The following SLC38A4 variants were observed in gnomAD, a reference collection of about 807,000 sequenced individuals.
SLC38A4 encodes sodium-coupled neutral amino acid transporter 4.
A neutral mutation model predicts 63.1 loss-of-function variants in SLC38A4; 20 were observed. The ratio of observed to expected loss-of-function variants is 0.32; its 90% CI spans 0.22 to 0.46. The LOEUF (loss-of-function observed/expected upper bound fraction) is 0.46, where lower values mean the gene tolerates loss of function less well. Among genes scored for constraint, SLC38A4 ranks in the 20% least tolerant of loss-of-function variants. The pLI is 1.00. For synonymous variants in SLC38A4, 230 were observed against 225.5 expected (o/e 1.02, Z -0.18); for missense variants, 526 against 663.6 (o/e 0.79, Z 2.28).
intron 13 of SLC38A4, 138 bp downstream of exon 13, chr12:46,776,766 A>G (rs1268578146): frequency 6.0e-6 from 4 of 669,416 alleles, no homozygotes; most frequent in African/African-American, 1.9e-5. Flanking sequence ...TGACAAAACT[A>G]AAATAGTATA....
chr12:46,776,348 G>T (rs1938524681), intron 13 of SLC38A4, among the ~76,000 whole-genome samples: 1 of 151,924 alleles, frequency 6.6e-6, no homozygotes. Context: ...TTTTTTGGTG[G>T]TGCATTCTTA....
At chr12:46,776,220 G>T (rs940129890) in intron 13 of SLC38A4, among the ~76,000 whole-genome samples, 6 of 151,972 alleles carry the variant, frequency 3.9e-5, no homozygotes, top group African/African-American at 1.4e-4. Context: ...GTGATTCCAT[G>T]AAATCTGTTT....
chr12:46,766,582 G>A lies in SLC38A4; in HGVS notation c.*119C>T, dbSNP rs1938305102. 6 of 785,582 alleles carry A rather than the reference G, an allele frequency of 7.6e-6. No individual in the cohort carries two copies. Among genetic ancestry groups the A allele is most frequent in the Middle Eastern group, 2.2e-4 (1 of 4,478 alleles). 48.7% of individuals were successfully genotyped at this position (785,582 alleles called of 1,614,324 possible). On this transcript the variant is annotated 3_prime_UTR_variant, in exon 17 of 17. Coordinates refer to ENST00000266579, the MANE Select transcript of SLC38A4 (RefSeq NM_018018.5). ...GTGCCTGGTGATATTACTGGTAAAC[G>A]TCTTTGGAATCTTCCTGTTATTTCC...
Position 46,814,538 on chromosome 12 carries a change from C to T in SLC38A4, c.-304-10744G>A, listed in dbSNP as rs377029726. Among the ~76,000 whole-genome samples the T allele has an allele frequency of 2.2e-3, 339 of 151,956 alleles. 1 individual carries two copies. Among genetic ancestry groups the T allele is most frequent in the African/African-American group, 7.7e-3 (319 of 41,490 alleles). The stretch of plus-strand genomic sequence containing the variant: ...AACATGAAGACCCAAAGATGTACCA[C>T]GACACACTTTCCAAATGCTAAAGTA... On this transcript the variant is annotated intron_variant, in intron 1 of 16. Coordinates refer to ENST00000266579, the MANE Select transcript of SLC38A4 (RefSeq NM_018018.5).
chr12:46,822,984 A>C (rs988605086), intron 1 of SLC38A4, among the ~76,000 whole-genome samples: 1 of 152,236 alleles, frequency 6.6e-6, no homozygotes, highest in African/African-American at 2.4e-5. Flanking sequence ...TAATTATACA[A>C]TGCACATAAG....
intron 2 of SLC38A4, among the ~76,000 whole-genome samples, chr12:46,800,775 C>A (rs992918501): frequency 6.6e-6 from 1 of 152,110 alleles, no homozygotes; most frequent in Non-Finnish European, 1.5e-5. Flanking sequence ...GCATCTAGCA[C>A]AGTGCCTAGT....
chr12:46,786,278 G>C (rs1311184952), intron 5 of SLC38A4, among the ~76,000 whole-genome samples: 1 of 152,026 alleles, frequency 6.6e-6, no homozygotes, highest in East Asian at 1.9e-4. Flanking sequence ...AAAATACTAA[G>C]AGTAAAACCT....
chr12:46,807,146 G>T (rs931771455), intron 1 of SLC38A4, among the ~76,000 whole-genome samples: 10 of 151,956 alleles, frequency 6.6e-5, no homozygotes, highest in Non-Finnish European at 1.5e-4. Context: ...AGCCAAATTG[G>T]AAGAAGACAT....
At chr12:46,810,403 G>T (rs1162098505) in intron 1 of SLC38A4, among the ~76,000 whole-genome samples, 1 of 151,802 alleles carries the variant, frequency 6.6e-6, no homozygotes, top group Non-Finnish European at 1.5e-5. Flanking sequence ...TAGGGGGCTA[G>T]GGGAGGGATA....
chr12:46,792,440 G>A (rs1374882417), intron 3 of SLC38A4, among the ~76,000 whole-genome samples: 2 of 152,008 alleles, frequency 1.3e-5, no homozygotes, highest in Non-Finnish European at 1.5e-5. Flanking sequence ...AGACATTACA[G>A]GTTTAACTTT....
intron 1 of SLC38A4, among the ~76,000 whole-genome samples, chr12:46,820,458 T>C (rs868154847): frequency 4.6e-5 from 7 of 152,176 alleles, no homozygotes; most frequent in Middle Eastern, 6.8e-3. Context: ...TTATTTCACT[T>C]AGCATATTGT....
chr12:46,829,535 C>G (rs576108606), upstream of SLC38A4, among the ~76,000 whole-genome samples: 2 of 151,864 alleles, frequency 1.3e-5, no homozygotes, highest in East Asian at 3.9e-4. Flanking sequence ...GTGTACATCA[C>G]GAAGTCCACA....
In SLC38A4 at chr12:46,778,721, A is replaced by G; in HGVS notation, c.773T>C (p.Val258Ala). The change falls in exon 11 of 17, where the codon GTT becomes GCT. Residue 258 changes from valine (V) to alanine (A), a missense_variant. Val to Ala is a moderately conservative substitution (Grantham distance 64). Coordinates refer to ENST00000266579, the MANE Select transcript of SLC38A4 (RefSeq NM_018018.5). ...PCPLPVLDHS[V>A]GNLSFNNTLP... ...CGTGTTGTTGAATGACAGATTTCCA[A>G]CACTGTGATCCAAAACAGGTAGAGG... The G allele has an allele frequency of 6.2e-7, 1 of 1,612,822 alleles. No individual in the cohort carries two copies. Among genetic ancestry groups the G allele is most frequent in the East Asian group, 2.2e-5 (1 of 44,822 alleles).
intron 1 of SLC38A4, among the ~76,000 whole-genome samples, chr12:46,805,653 T>G (rs1939216895): frequency 1.3e-5 from 2 of 152,104 alleles, no homozygotes; most frequent in Non-Finnish European, 2.9e-5. Flanking sequence ...TGAATTTTAA[T>G]GCATGGCACA....
chr12:46,819,640 G>A lies in SLC38A4; in HGVS notation c.-305+6263C>T, dbSNP rs866583493. 2.0e-5 allele frequency among the ~76,000 whole-genome samples: 3 copies of A among 151,820 alleles called. No individual in the cohort carries two copies. The South Asian group carries it at 6.2e-4, about 31-fold the overall frequency. Reference sequence around the variant, plus strand: ...ATTTAGTAATGATTGTGGTGGGGTAGCAGAGGAGAAAAGATGTGAGTATAG... The same window carrying A: ...ATTTAGTAATGATTGTGGTGGGGTAACAGAGGAGAAAAGATGTGAGTATAG... On this transcript the variant is annotated intron_variant, in intron 1 of 16. Coordinates refer to ENST00000266579, the MANE Select transcript of SLC38A4 (RefSeq NM_018018.5).
At chr12:46,767,019 G>A (rs1045258930) in intron 16 of SLC38A4, among the ~76,000 whole-genome samples, 14 of 151,908 alleles carry the variant, frequency 9.2e-5, no homozygotes, top group South Asian at 2.1e-4. Context: ...GTTCAACAAT[G>A]GAGTAATAGT....
chr12:46,825,560 A>G (rs1415091100), intron 1 of SLC38A4, among the ~76,000 whole-genome samples: 1 of 152,210 alleles, frequency 6.6e-6, no homozygotes, highest in East Asian at 1.9e-4. Context: ...AGGCATTCAC[A>G]AAGCAAAGTG....
intron 1 of SLC38A4, among the ~76,000 whole-genome samples, chr12:46,819,443 T>C (rs1004416492): frequency 2.6e-5 from 4 of 151,930 alleles, no homozygotes; most frequent in African/African-American, 9.7e-5. Flanking sequence ...CAATATATCA[T>C]TCTGTACCAA....
At chr12:46,789,552 C>T (rs934212223) in intron 3 of SLC38A4, among the ~76,000 whole-genome samples, 1 of 152,076 alleles carries the variant, frequency 6.6e-6, no homozygotes, top group African/African-American at 2.4e-5. Flanking sequence ...TTTGAGGCTA[C>T]GGACCTAGGA....
Sources: allele counts gnomAD v4.1 joint callset (sites outside exome capture counted in the v4.1 genomes callset), GRCh38; gene constraint gnomAD v4.1.1; transcripts MANE v1.5; gene names NCBI Gene and HGNC (gene_info 2026-07-23, HGNC 2026-07-21).